The following GALNT13 variants were observed in gnomAD, a reference collection of about 807,000 sequenced individuals.
GALNT13 encodes the protein polypeptide N-acetylgalactosaminyltransferase 13.
Under a neutral mutation model 64.2 loss-of-function variants are expected in GALNT13, and 28 were observed. That is an observed-to-expected ratio of 0.44 (90% CI 0.32 to 0.60). The LOEUF (loss-of-function observed/expected upper bound fraction) is 0.60, where lower values mean the gene tolerates loss of function less well. Ranked by LOEUF, GALNT13 falls within the 20% of genes least tolerant of loss-of-function variation. The pLI is 0.05. For missense variants in GALNT13, 577 were observed against 669.8 expected (o/e 0.86, Z 1.53); for synonymous variants, 214 against 224.6 (o/e 0.95, Z 0.42).
intron 8 of GALNT13, among the ~76,000 whole-genome samples, chr2:154,275,817 A>G (rs907432026): frequency 3.3e-5 from 5 of 152,138 alleles, no homozygotes; most frequent in Non-Finnish European, 7.4e-5. Context: ...ATCAGCCCCA[A>G]CCCAGGAAAG....
At chr2:154,061,760 T>C (rs1336702608) in intron 3 of GALNT13, among the ~76,000 whole-genome samples, 3 of 152,092 alleles carry the variant, frequency 2.0e-5, no homozygotes, top group Non-Finnish European at 4.4e-5. Context: ...TTTATTTCCA[T>C]TTTTTGGCTT....
At chr2:154,230,346 C>T (rs184436290) in intron 4 of GALNT13, among the ~76,000 whole-genome samples, 21 of 152,174 alleles carry the variant, frequency 1.4e-4, no homozygotes, top group Non-Finnish European at 2.5e-4. Context: ...TTCCAGGCAA[C>T]TAATTGTTAA....
intron 7 of GALNT13, among the ~76,000 whole-genome samples, chr2:154,246,566 CTG>C (rs1232386743): frequency 1.3e-5 from 2 of 152,052 alleles, no homozygotes; most frequent in African/African-American, 2.4e-5. Flanking sequence ...CTCGAATTGT[CTG>C]TATAAGCATT....
intron 3 of GALNT13, among the ~76,000 whole-genome samples, chr2:154,062,702 G>A (rs779953711): frequency 3.9e-5 from 6 of 152,178 alleles, no homozygotes; most frequent in Non-Finnish European, 5.9e-5. Flanking sequence ...CACCAGGTCT[G>A]TCTCCCAGCG....
intron 3 of GALNT13, among the ~76,000 whole-genome samples, chr2:154,032,203 A>G (rs1698382821): frequency 6.6e-6 from 1 of 152,032 alleles, no homozygotes; most frequent in African/African-American, 2.4e-5. Context: ...AAAAGGCATT[A>G]AAATATAATA....
chr2:154,012,428 A>G (rs1696710475), intron 3 of GALNT13, among the ~76,000 whole-genome samples: 1 of 152,274 alleles, frequency 6.6e-6, no homozygotes, highest in South Asian at 2.1e-4. Context: ...GTTTCTGCTG[A>G]AAGTTTCATT....
At chr2:154,001,396 C>T (rs1298263205) in intron 3 of GALNT13, among the ~76,000 whole-genome samples, 1 of 151,634 alleles carries the variant, frequency 6.6e-6, no homozygotes, top group Non-Finnish European at 1.5e-5. Context: ...TCTTTATTAG[C>T]ACATCTTGAT....
the GALNT13 span, among the ~76,000 whole-genome samples, chr2:153,115,032 T>C: frequency 6.6e-6 from 1 of 152,210 alleles, no homozygotes; most frequent in Non-Finnish European, 1.5e-5. Flanking sequence ...CTTCTTGTGA[T>C]AGCTAAATGA....
chr2:153,327,035 G>C, the GALNT13 span, among the ~76,000 whole-genome samples: 1 of 152,028 alleles, frequency 6.6e-6, no homozygotes, highest in African/African-American at 2.4e-5. Flanking sequence ...AGTGAGCCGA[G>C]ATAGGGCCAC....
At chr2:153,578,732 G>A in the GALNT13 span, among the ~76,000 whole-genome samples, 10 of 152,144 alleles carry the variant, frequency 6.6e-5, no homozygotes, top group African/African-American at 2.2e-4. Context: ...AAAGTTGGCC[G>A]AGCAGTATGA....
chr2:153,085,620 G>C, the GALNT13 span, among the ~76,000 whole-genome samples: 2 of 152,312 alleles, frequency 1.3e-5, no homozygotes, highest in East Asian at 1.9e-4. Context: ...CAAGAATTTA[G>C]GTTTGGGAAC....
At chr2:154,337,130 T>A (rs982384525) in intron 9 of GALNT13, among the ~76,000 whole-genome samples, 1 of 152,062 alleles carries the variant, frequency 6.6e-6, no homozygotes. Flanking sequence ...GTATTCCAAG[T>A]TAGAGGCAAG....
chr2:153,304,729 A>T, the GALNT13 span, among the ~76,000 whole-genome samples: 1 of 150,486 alleles, frequency 6.6e-6, no homozygotes, highest in Non-Finnish European at 1.5e-5. Context: ...CAAATAAAAA[A>T]TAAATAAAAT....
intron 1 of GALNT13, among the ~76,000 whole-genome samples, chr2:153,889,216 T>A (rs1193636977): frequency 6.6e-6 from 1 of 151,970 alleles, no homozygotes; most frequent in African/African-American, 2.4e-5. Flanking sequence ...ATTTCATAAT[T>A]CAGATTCATT....
the GALNT13 span, among the ~76,000 whole-genome samples, chr2:153,304,614 G>T: frequency 6.6e-6 from 1 of 152,228 alleles, no homozygotes; most frequent in African/African-American, 2.4e-5. Flanking sequence ...TAACCTAGTG[G>T]CTAATTTTCC....
At chr2:153,752,236 T>C in the GALNT13 span, among the ~76,000 whole-genome samples, 1 of 152,092 alleles carries the variant, frequency 6.6e-6, no homozygotes, top group African/African-American at 2.4e-5. Context: ...CATCATTTGG[T>C]CTTTCTACTT....
At chr2:153,432,413 C>A in the GALNT13 span, among the ~76,000 whole-genome samples, 1 of 152,234 alleles carries the variant, frequency 6.6e-6, no homozygotes, top group East Asian at 1.9e-4. Flanking sequence ...GTTTAATTAA[C>A]TTTCGAGCTG....
the GALNT13 span, among the ~76,000 whole-genome samples, chr2:153,126,328 A>G: frequency 0.051 from 5,501 of 108,402 alleles, 329 homozygotes; most frequent in African/African-American, 0.11. Flanking sequence ...ATATATATAT[A>G]TATATATATA....
intron 3 of GALNT13, among the ~76,000 whole-genome samples, chr2:153,947,213 GAT>G (rs1304075332): frequency 6.6e-6 from 1 of 151,992 alleles, no homozygotes; most frequent in East Asian, 1.9e-4. Flanking sequence ...AAATCCTGGG[GAT>G]ATAACTGAGG....
Sources: gnomAD v4.1 joint callset for allele counts (sites outside exome capture counted in the v4.1 genomes callset) on GRCh38, gnomAD v4.1.1 for gene constraint, MANE v1.5 for transcripts, NCBI Gene and HGNC (gene_info 2026-07-23, HGNC 2026-07-21) for gene names.